NT5DC1: variants seen among roughly 807,000 people sequenced by gnomAD.
NT5DC1 encodes 5'-nucleotidase domain-containing protein 1.
NT5DC1 carries 42 observed loss-of-function variants against 59.4 expected under a neutral mutation model. The ratio of observed to expected loss-of-function variants is 0.71; its 90% CI spans 0.55 to 0.92. The LOEUF is 0.92. Ranked by LOEUF, NT5DC1 falls within the 40% of genes least tolerant of loss-of-function variation. NT5DC1 has a pLI of 0.00. For synonymous variants in NT5DC1, 172 were observed against 188.1 expected (o/e 0.91, Z 0.70); for missense variants, 501 against 537.1 (o/e 0.93, Z 0.66).
intron 6 of NT5DC1, among the ~76,000 whole-genome samples, chr6:116,214,245 C>T (rs1485204480): frequency 1.3e-5 from 2 of 151,942 alleles, no homozygotes; most frequent in Non-Finnish European, 1.5e-5. Context: ...TCAAATAGTA[C>T]ACTGAAAAAA....
chr6:116,173,812 C>T (rs953743981), intron 6 of NT5DC1, among the ~76,000 whole-genome samples: 1 of 152,098 alleles, frequency 6.6e-6, no homozygotes, highest in African/African-American at 2.4e-5. Context: ...GTACCTTTGT[C>T]ACATCTAAGA....
intron 6 of NT5DC1, among the ~76,000 whole-genome samples, chr6:116,214,891 G>A (rs1204197986): frequency 1.3e-5 from 2 of 151,948 alleles, no homozygotes; most frequent in East Asian, 3.9e-4. Flanking sequence ...AAGATTAAAC[G>A]GTCCTTTGAA....
intron 6 of NT5DC1, among the ~76,000 whole-genome samples, chr6:116,209,006 T>C (rs544295411): frequency 1.9e-4 from 29 of 152,164 alleles, no homozygotes; most frequent in African/African-American, 6.7e-4. Context: ...CAAATCATTT[T>C]GTAATATTCA....
Position 116,186,568 on chromosome 6 carries a change from A to G in NT5DC1, c.530-34486A>G, listed in dbSNP as rs185624648. The stretch of plus-strand genomic sequence containing the variant: ...CCCAAACTTATTGGAGGCTTTGTTC[A>G]TTTTTATTTAATTCTTTTTTCTTTG... On this transcript the variant is annotated intron_variant, in intron 6 of 11. Transcript: ENST00000319550. Among the ~76,000 whole-genome samples the G allele has an allele frequency of 3.9e-5, 6 of 151,942 alleles. No individual in the cohort carries two copies. The East Asian group carries it at 1.2e-3, about 29-fold the overall frequency.
chr6:116,159,540 T>G (rs1780281385), intron 6 of NT5DC1, among the ~76,000 whole-genome samples: 1 of 152,236 alleles, frequency 6.6e-6, no homozygotes, highest in Non-Finnish European at 1.5e-5. Flanking sequence ...GTGAATAATT[T>G]GCAAACTTGC....
At chr6:116,202,975 T>C (rs1036041265) in intron 6 of NT5DC1, among the ~76,000 whole-genome samples, 9 of 151,966 alleles carry the variant, frequency 5.9e-5, no homozygotes, top group African/African-American at 2.2e-4. Context: ...AACTTTTACT[T>C]TTCCAAACAT....
chr6:116,106,726 G>C (rs919108461), intron 2 of NT5DC1, among the ~76,000 whole-genome samples: 2 of 152,178 alleles, frequency 1.3e-5, no homozygotes, highest in Non-Finnish European at 2.9e-5. Context: ...CACATTTTGA[G>C]TAAGTCTGAA....
rs1038577452 is a variant in NT5DC1, at chr6:116,247,997, A to G, written c.*3973A>G. 2.0e-5 allele frequency: 3 copies of G among 152,226 alleles called. No individual in the cohort carries two copies. The highest frequency in any genetic ancestry group is 6.5e-5 in the Admixed American group (1 of 15,284). 9.4% of individuals were successfully genotyped at this position (152,226 alleles called of 1,614,324 possible). On this transcript the variant is annotated 3_prime_UTR_variant, in exon 12 of 12. Coordinates refer to ENST00000319550, the MANE Select transcript of NT5DC1 (RefSeq NM_152729.3). ...TACATAAGTAAATTCAAATGTGTCA[A>G]TCTGTAACTGTATGGAGTCCTGTAT... is the stretch of plus-strand genomic sequence containing the variant.
At chr6:116,125,227 C>T in intron 6 of NT5DC1, 1 of 1,235,780 alleles carries the variant, frequency 8.1e-7, no homozygotes. Flanking sequence ...TGGGCTAATT[C>T]AGAAGTTGGA....
chr6:116,213,300 A>T (rs1781618902), intron 6 of NT5DC1, among the ~76,000 whole-genome samples: 1 of 152,168 alleles, frequency 6.6e-6, no homozygotes, highest in East Asian at 1.9e-4. Context: ...TTTTAGCTCA[A>T]CACTCAGCTG....
intron 11 of NT5DC1, 41 bp downstream of exon 11, chr6:116,239,164 A>G: frequency 7.4e-6 from 10 of 1,356,786 alleles, no homozygotes; most frequent in Non-Finnish European, 8.3e-6. Context: ...CTGTTACTAG[A>G]CAATAATGAC....
At chr6:116,167,250 G>T (rs1288379741) in intron 6 of NT5DC1, among the ~76,000 whole-genome samples, 6 of 86,000 alleles carry the variant, frequency 7.0e-5, no homozygotes, top group African/African-American at 4.7e-5. Flanking sequence ...ATCTTGTTCT[G>T]TCGCCAGGCT....
At chr6:116,222,792 C>G (rs1038697859) in intron 7 of NT5DC1, among the ~76,000 whole-genome samples, 9 of 152,160 alleles carry the variant, frequency 5.9e-5, no homozygotes, top group African/African-American at 2.2e-4. Context: ...ATGTGCTACT[C>G]TCTTTTTTTT....
intron 6 of NT5DC1, among the ~76,000 whole-genome samples, chr6:116,161,322 C>T (rs576432536): frequency 3.3e-5 from 5 of 149,642 alleles, no homozygotes; most frequent in Admixed American, 3.3e-4. Context: ...GCACATGTAC[C>T]CTAAAACTTA....
chr6:116,178,313 A>G (rs1340440169), intron 6 of NT5DC1, among the ~76,000 whole-genome samples: 1 of 152,178 alleles, frequency 6.6e-6, no homozygotes. Context: ...CATTGGGCGC[A>G]TTCAGGGTGG....
intron 6 of NT5DC1, among the ~76,000 whole-genome samples, chr6:116,133,868 G>T (rs1425695142): frequency 1.3e-5 from 2 of 152,106 alleles, no homozygotes; most frequent in African/African-American, 2.4e-5. Context: ...TGGGAAAAAT[G>T]TAACAAATAG....
chr6:116,121,303 G>C lies in NT5DC1; in HGVS notation c.529+3358G>C, dbSNP rs748725155. The C allele has an allele frequency of 1.9e-6, 3 of 1,613,872 alleles. No homozygotes were observed. In the African/African-American group the frequency reaches 4.0e-5, roughly 22 times the overall value. On this transcript the variant is annotated intron_variant, in intron 6 of 11. Coordinates refer to ENST00000319550, the MANE Select transcript of NT5DC1 (RefSeq NM_152729.3). ...TTCCTGGAATCCCTGGCTGGCCTGG[G>C]GCTCCAGCAGCTCCTGGCTTTCCAA...
At chr6:116,146,408 T>G (rs1779898440) in intron 6 of NT5DC1, among the ~76,000 whole-genome samples, 1 of 152,150 alleles carries the variant, frequency 6.6e-6, no homozygotes, top group African/African-American at 2.4e-5. Flanking sequence ...AAGGAATTTC[T>G]CAGAAGCTCC....
At chr6:116,107,540 T>TTTTTATTTTA (rs371049347) in intron 2 of NT5DC1, among the ~76,000 whole-genome samples, 6,463 of 132,646 alleles carry the variant, frequency 0.049, 198 homozygotes, top group African/African-American at 0.066. Context: ...AGTGGTTTTC[T>TTTTTATTTTA]TTTTATTTTA....
Sources: gnomAD v4.1 joint callset for allele counts (sites outside exome capture counted in the v4.1 genomes callset) on GRCh38, gnomAD v4.1.1 for gene constraint, MANE v1.5 for transcripts, NCBI Gene and HGNC (gene_info 2026-07-23, HGNC 2026-07-21) for gene names.